The following VLDLR variants were observed in gnomAD, a reference collection of about 807,000 sequenced individuals.
VLDLR encodes very low-density lipoprotein receptor.
A neutral mutation model predicts 112.7 loss-of-function variants in VLDLR; 81 were observed. The ratio of observed to expected loss-of-function variants is 0.72; its 90% CI spans 0.60 to 0.86. VLDLR has a LOEUF of 0.86. Among genes scored for constraint, VLDLR ranks in the 40% least tolerant of loss-of-function variants. VLDLR has a pLI of 0.00. For missense variants in VLDLR, 1,237 were observed against 1,099.4 expected, an observed-to-expected ratio of 1.13 and a Z score of -1.77; for synonymous variants, 436 against 384.8, an observed-to-expected ratio of 1.13 and a Z score of -1.56.
intron 1 of VLDLR, among the ~76,000 whole-genome samples, chr9:2,623,427 C>A (rs78466525): frequency 5.3e-5 from 8 of 151,884 alleles, no homozygotes; most frequent in African/African-American, 1.9e-4. Flanking sequence ...CCTTAACACC[C>A]GTTCCAGAGT....
At chr9:2,639,519 C>T (rs192037943) in intron 2 of VLDLR, among the ~76,000 whole-genome samples, 1 of 152,274 alleles carries the variant, frequency 6.6e-6, no homozygotes, top group East Asian at 1.9e-4. Context: ...ACTTGAATGA[C>T]TTGGAAGAAA....
At chr9:2,643,993 G>A (rs778859983) in intron 7 of VLDLR, 34 bp downstream of exon 7, 1 of 1,613,760 alleles carries the variant, frequency 6.2e-7, no homozygotes, top group South Asian at 1.1e-5. Context: ...ACAGATCCTG[G>A]AAGTTTGACA....
At position 2,651,450 on chromosome 9, in the gene VLDLR, G is replaced by A. The variant is rs767593880; in HGVS notation, c.2287G>A (p.Asp763Asn). The change falls in exon 16 of 19, where the codon GAT becomes AAT. Residue 763 changes from aspartate (D) to asparagine (N), a missense_variant. Transcript: ENST00000382100. ...ATTVTYSETK[D>N]TNTTEISATS... ...TACTGTGACTTACAGTGAGACAAAA[G>A]ATACGAACACAACAGAAATTTCAGC... The A allele has an allele frequency of 6.2e-7, 1 of 1,614,024 alleles. No homozygotes were observed. Among genetic ancestry groups the A allele is most frequent in the Non-Finnish European group, 8.5e-7 (1 of 1,179,972 alleles).
chr9:2,623,661 T>G (rs777507506), intron 1 of VLDLR, among the ~76,000 whole-genome samples: 2 of 152,160 alleles, frequency 1.3e-5, no homozygotes, highest in Non-Finnish European at 2.9e-5. Context: ...TGCGATCACG[T>G]TTAGGTTGGT....
intron 1 of VLDLR, among the ~76,000 whole-genome samples, chr9:2,633,051 A>AGAGAGAGAGAGAGAGAGTGTGTGTGT: frequency 8.7e-6 from 1 of 115,464 alleles, no homozygotes; most frequent in African/African-American, 3.3e-5. Flanking sequence ...AGAGAGAGAG[A>AGAGAGAGAGAGAGAGAGTGTGTGTGT]GTGTGTGTGT....
rs1817814794 is a variant in VLDLR at position 2,641,373 on chromosome 9, A to C, written c.326-4A>C. On this transcript the variant is annotated splice_polypyrimidine_tract_variant and splice_region_variant and intron_variant, in intron 3 of 18. Coordinates refer to ENST00000382100, the MANE Select transcript of VLDLR (RefSeq NM_003383.5). Reference sequence around the variant, plus strand: ...GCTCTTTTGAGACTGTATATCATCAACAGATATGAGAACATGCCGCATACA... The same window carrying C: ...GCTCTTTTGAGACTGTATATCATCACCAGATATGAGAACATGCCGCATACA... 2 of 1,614,134 alleles carry C rather than the reference A, an allele frequency of 1.2e-6. No individual in the cohort carries two copies. Among genetic ancestry groups the C allele is most frequent in the Non-Finnish European group, 1.7e-6 (2 of 1,179,982 alleles).
In VLDLR at chr9:2,656,492, A is replaced by G. The variant is rs1818613492; in HGVS notation, c.*2624A>G. On this transcript the variant is annotated 3_prime_UTR_variant, in exon 19 of 19. Transcript: ENST00000382100. ...TTATATGACTAAACTACTAGTCAATACAGCTTGCAATAATAGTGCATGAAT... is the reference window on the plus strand; with the variant it reads ...TTATATGACTAAACTACTAGTCAATGCAGCTTGCAATAATAGTGCATGAAT... 1 of 152,192 alleles carries G rather than the reference A, an allele frequency of 6.6e-6. No homozygotes were observed. Among genetic ancestry groups the G allele is most frequent in the African/African-American group, 2.4e-5 (1 of 41,458 alleles). The allele number at this position is 152,192 out of a possible 1,614,324, so 9.4% of individuals were successfully genotyped here. A position where few individuals can be genotyped will look rare whatever the true frequency, so the allele number is the denominator to read the frequency against.
chr9:2,635,559 T>C lies in VLDLR; in HGVS notation c.189T>C (p.Asp63=). ...ATGAAGACTGTGTTGACGGCAGTGATGAAAAGAACTGTGGTAAGTAAAGAG... is the reference window on the plus strand; with the variant it reads ...ATGAAGACTGTGTTGACGGCAGTGACGAAAAGAACTGTGGTAAGTAAAGAG... The part of the protein sequence containing the change: ...DGDEDCVDGS[D]EKNCVKKTCA... Residue 63 remains aspartate (D), a synonymous_variant, in exon 2 of 19, where the codon GAT becomes GAC. Coordinates refer to ENST00000382100, the MANE Select transcript of VLDLR (RefSeq NM_003383.5). 1 of 1,614,128 alleles carries C rather than the reference T, an allele frequency of 6.2e-7. No homozygotes were observed. The highest frequency in any genetic ancestry group is 2.2e-5 in the East Asian group (1 of 44,878).
At chr9:2,652,684 T>C (rs1818407300) in intron 17 of VLDLR, 96 bp from the exon 18 acceptor site, 1 of 1,511,780 alleles carries the variant, frequency 6.6e-7, no homozygotes, top group South Asian at 1.1e-5. Context: ...GCATTTTTAC[T>C]AATGTCAATT....
chr9:2,644,156 T>G lies in VLDLR; in HGVS notation c.1066+197T>G, dbSNP rs981022242. Reference sequence around the variant, plus strand: ...GTTTATAGTTTTTGTTTTTGTTGTTTTTTTTTTTTTTTTTTTTTTGAGATG... The same window carrying G: ...GTTTATAGTTTTTGTTTTTGTTGTTGTTTTTTTTTTTTTTTTTTTGAGATG... On this transcript the variant is annotated intron_variant, in intron 7 of 18. Coordinates refer to ENST00000382100, the MANE Select transcript of VLDLR (RefSeq NM_003383.5). Among the ~76,000 whole-genome samples the G allele has an allele frequency of 2.1e-4, 21 of 99,194 alleles. 1 individual carries two copies. The Middle Eastern group carries it at 0.018, about 87-fold the overall frequency. The allele number at this position is 99,194 out of a possible 152,430, so 65.1% of individuals were successfully genotyped here. A position where few individuals can be genotyped will look rare whatever the true frequency, so the allele number is the denominator to read the frequency against.
chr9:2,648,119 G>A (rs1818153780), intron 12 of VLDLR, 89 bp from the exon 13 acceptor site: 1 of 1,568,770 alleles, frequency 6.4e-7, no homozygotes, highest in East Asian at 2.3e-5. Flanking sequence ...AAAGAACCGT[G>A]AAAGTAGATT....
intron 1 of VLDLR, among the ~76,000 whole-genome samples, chr9:2,635,174 A>G (rs1408464004): frequency 6.6e-6 from 1 of 152,180 alleles, no homozygotes; most frequent in African/African-American, 2.4e-5. Flanking sequence ...AGTTGTATAT[A>G]CCATTTTAGT....
In VLDLR at chr9:2,643,318, T is replaced by C; in HGVS notation, c.607T>C (p.Ser203Pro). 1 of 1,613,862 alleles carries C rather than the reference T, an allele frequency of 6.2e-7. No homozygotes were observed. The highest frequency in any genetic ancestry group is 1.1e-5 in the South Asian group (1 of 91,084). The change falls in exon 5 of 19, where the codon TCC (serine) becomes CCC (proline). Residue 203 changes from serine to proline, a missense_variant. Transcript: ENST00000382100. ...CGCCCATGAGTTCCAGTGCAGCACC[T>C]CCTCCTGCATCCCCATCAGCTGGGT... Reference protein sequence around the residue: ...CGAHEFQCSTSSCIPISWVCD... With the variant: ...CGAHEFQCSTPSCIPISWVCD...
In VLDLR at chr9:2,641,513, T is replaced by C; in HGVS notation, c.448+14T>C. The C allele has an allele frequency of 6.2e-7, 1 of 1,614,000 alleles. No homozygotes were observed. The highest frequency in any genetic ancestry group is 8.5e-7 in the Non-Finnish European group (1 of 1,179,942). On this transcript the variant is annotated intron_variant, in intron 4 of 18. Coordinates refer to ENST00000382100, the MANE Select transcript of VLDLR (RefSeq NM_003383.5). ...AAGAAAACTGTGGTAAGAAGATCAG[T>C]GTTGAGTGACGTAACCCAAAGACCC...
rs531695697 is a variant in VLDLR, at chr9:2,658,237, T to C, written c.*4369T>C. The C allele has an allele frequency of 5.3e-5, 8 of 152,318 alleles. No individual in the cohort carries two copies. The East Asian group carries it at 1.4e-3, about 26-fold the overall frequency. The allele number at this position is 152,318 out of a possible 1,614,324, so 9.4% of individuals were successfully genotyped here. Reference sequence around the variant, plus strand: ...TCTAGATATGAAACTTAGGGATCCATAGATAAATAAGCTACTAACAAACTG... The same window carrying C: ...TCTAGATATGAAACTTAGGGATCCACAGATAAATAAGCTACTAACAAACTG... On this transcript the variant is annotated 3_prime_UTR_variant, in exon 19 of 19. Transcript: ENST00000382100.
Position 2,644,944 on chromosome 9 carries a change from A to C in VLDLR, c.1187-13A>C, listed in dbSNP as rs905316694. 6.2e-7 allele frequency: 1 copy of C among 1,614,164 alleles called. No homozygotes were observed. Among genetic ancestry groups the C allele is most frequent in the South Asian group, 1.1e-5 (1 of 91,082 alleles). On this transcript the variant is annotated splice_polypyrimidine_tract_variant and intron_variant, in intron 8 of 18. Coordinates refer to ENST00000382100, the MANE Select transcript of VLDLR (RefSeq NM_003383.5). ...TATAGGAGCAGCAAGACTAATTCTGATTTCCCTCCCAGATATTGATGAATG... is the reference window on the plus strand; with the variant it reads ...TATAGGAGCAGCAAGACTAATTCTGCTTTCCCTCCCAGATATTGATGAATG...
intron 7 of VLDLR, 148 bp downstream of exon 7, chr9:2,644,107 TA>T: frequency 8.4e-7 from 1 of 1,193,012 alleles, no homozygotes. Flanking sequence ...CTTTATGACT[TA>T]AAAGCCCAGG....
At chr9:2,640,325 C>A (rs1352874812) in intron 3 of VLDLR, among the ~76,000 whole-genome samples, 1 of 152,122 alleles carries the variant, frequency 6.6e-6, no homozygotes, top group East Asian at 1.9e-4. Flanking sequence ...GAAGCTAAGT[C>A]AAGAAGTGAG....
chr9:2,643,984 C>T (rs186714885), intron 7 of VLDLR, 25 bp downstream of exon 7: 5 of 1,613,950 alleles, frequency 3.1e-6, no homozygotes, highest in Non-Finnish European at 4.2e-6. Context: ...TGTTCAAGTA[C>T]AGATCCTGGA....
Sources: allele counts gnomAD v4.1 joint callset (sites outside exome capture counted in the v4.1 genomes callset), GRCh38; gene constraint gnomAD v4.1.1; transcripts MANE v1.5; gene names NCBI Gene and HGNC (gene_info 2026-07-23, HGNC 2026-07-21).